Variants in NKAIN2 observed in about 807,000 individuals in gnomAD.
NKAIN2 encodes sodium/potassium transporting ATPase interacting 2, also known as sodium/potassium-transporting ATPase subunit beta-1-interacting protein 2.
A neutral mutation model predicts 32.6 loss-of-function variants in NKAIN2; 14 were observed. That is an observed-to-expected ratio of 0.43 (90% CI 0.28 to 0.67). The LOEUF is 0.67. Among genes scored for constraint, NKAIN2 ranks in the 30% least tolerant of loss-of-function variants. The pLI is 0.17. For synonymous variants in NKAIN2, 80 were observed against 87.2 expected, an observed-to-expected ratio of 0.92 and a Z score of 0.46; for missense variants, 198 against 258.3, an observed-to-expected ratio of 0.77 and a Z score of 1.60.
At chr6:124,249,435 A>C (rs1367439860) in intron 1 of NKAIN2, among the ~76,000 whole-genome samples, 1 of 152,128 alleles carries the variant, frequency 6.6e-6, no homozygotes, top group Non-Finnish European at 1.5e-5. Flanking sequence ...ATTGAATTAA[A>C]TCATTAAGGC....
chr6:124,438,720 G>C (rs1314611920), intron 3 of NKAIN2, among the ~76,000 whole-genome samples: 1 of 152,010 alleles, frequency 6.6e-6, no homozygotes, highest in African/African-American at 2.4e-5. Flanking sequence ...TGGCCTCCCT[G>C]TCACTAACTA....
At chr6:124,820,654 C>T (rs1262875866) in intron 6 of NKAIN2, among the ~76,000 whole-genome samples, 1 of 152,108 alleles carries the variant, frequency 6.6e-6, no homozygotes, top group Non-Finnish European at 1.5e-5. Context: ...ATAGTCCTGG[C>T]CCATGGTCTG....
At chr6:124,192,659 T>G (rs1488115192) in intron 1 of NKAIN2, among the ~76,000 whole-genome samples, 5 of 151,910 alleles carry the variant, frequency 3.3e-5, no homozygotes, top group African/African-American at 4.8e-5. Context: ...TTTTTTTTGT[T>G]GGTTACATGT....
intron 1 of NKAIN2, among the ~76,000 whole-genome samples, chr6:123,989,733 A>C (rs1779333651): frequency 6.6e-6 from 1 of 152,280 alleles, no homozygotes; most frequent in Non-Finnish European, 1.5e-5. Flanking sequence ...TTTTTTTAAA[A>C]CCATCTTTAG....
intron 4 of NKAIN2, among the ~76,000 whole-genome samples, chr6:124,660,989 C>G (rs1234845298): frequency 6.6e-6 from 1 of 152,116 alleles, no homozygotes; most frequent in Non-Finnish European, 1.5e-5. Context: ...TTTGTGTTAC[C>G]CAGATCATCT....
At chr6:124,436,180 T>C (rs1224301138) in intron 3 of NKAIN2, among the ~76,000 whole-genome samples, 3 of 152,160 alleles carry the variant, frequency 2.0e-5, no homozygotes, top group Non-Finnish European at 4.4e-5. Flanking sequence ...CTGAGTATTG[T>C]ATGCATTTGT....
chr6:123,938,062 C>T (rs545412209), intron 1 of NKAIN2, among the ~76,000 whole-genome samples: 214 of 142,868 alleles, frequency 1.5e-3, no homozygotes, highest in African/African-American at 5.4e-3. Flanking sequence ...ATAGCAGCCA[C>T]CTACCTCCAT....
chr6:124,410,776 T>C (rs1467899320), intron 3 of NKAIN2, among the ~76,000 whole-genome samples: 1 of 152,180 alleles, frequency 6.6e-6, no homozygotes, highest in Non-Finnish European at 1.5e-5. Flanking sequence ...TCGATCTGTC[T>C]AATGTTGACA....
At chr6:124,659,049 A>G (rs1192751471) in intron 4 of NKAIN2, 1 of 152,160 alleles carries the variant, frequency 6.6e-6, no homozygotes. Context: ...TATAAAATAC[A>G]TGATTTAACA....
chr6:124,579,503 GAAAT>G (rs1191890336), intron 3 of NKAIN2, among the ~76,000 whole-genome samples: 1 of 152,134 alleles, frequency 6.6e-6, no homozygotes. Context: ...TCAAGCACAA[GAAAT>G]AAATAGTGAA....
intron 3 of NKAIN2, among the ~76,000 whole-genome samples, chr6:124,410,215 T>C (rs1331039071): frequency 5.3e-5 from 8 of 152,154 alleles, no homozygotes; most frequent in Non-Finnish European, 8.8e-5. Flanking sequence ...CTGATCTTAG[T>C]TATTTCTTGC....
At chr6:123,972,784 T>G (rs192404830) in intron 1 of NKAIN2, among the ~76,000 whole-genome samples, 1 of 152,094 alleles carries the variant, frequency 6.6e-6, no homozygotes, top group East Asian at 1.9e-4. Context: ...CTTCCAGGAA[T>G]AGATTCCCTT....
chr6:124,746,392 C>A (rs1360193158), intron 4 of NKAIN2, among the ~76,000 whole-genome samples: 2 of 151,702 alleles, frequency 1.3e-5, no homozygotes, highest in Non-Finnish European at 2.9e-5. Flanking sequence ...AAAAGAAGTA[C>A]AAAGAACTAA....
chr6:124,424,592 G>A lies in NKAIN2; in HGVS notation c.273+69245G>A, dbSNP rs188741529. Among the ~76,000 whole-genome samples the A allele has an allele frequency of 2.4e-4, 36 of 152,132 alleles. No individual in the cohort carries two copies. The East Asian group carries it at 6.8e-3, about 29-fold the overall frequency. ...CCCCTGAACCATGACTGGACCCCTA[G>A]TAACCATCATTCTACTCTCTGCTTC... On this transcript the variant is annotated intron_variant, in intron 3 of 6. Coordinates refer to ENST00000368417, the MANE Select transcript of NKAIN2 (RefSeq NM_001040214.3).
intron 3 of NKAIN2, among the ~76,000 whole-genome samples, chr6:124,569,525 A>G (rs1048085279): frequency 1.3e-5 from 2 of 152,134 alleles, no homozygotes; most frequent in Admixed American, 6.5e-5. Context: ...AGGTAATTGA[A>G]TCATGGGGAC....
chr6:124,530,901 C>G (rs552705246), intron 3 of NKAIN2, among the ~76,000 whole-genome samples: 2 of 152,292 alleles, frequency 1.3e-5, no homozygotes, highest in Admixed American at 1.3e-4. Flanking sequence ...AGCCCTTCTT[C>G]CATCTTTTTG....
At chr6:124,627,734 A>G (rs1172621801) in intron 3 of NKAIN2, among the ~76,000 whole-genome samples, 1 of 152,014 alleles carries the variant, frequency 6.6e-6, no homozygotes, top group Admixed American at 6.6e-5. Flanking sequence ...GTCCTAAGGT[A>G]CTCAGTCGTC....
At chr6:124,748,637 A>G (rs566453535) in intron 4 of NKAIN2, among the ~76,000 whole-genome samples, 5 of 152,064 alleles carry the variant, frequency 3.3e-5, no homozygotes, top group African/African-American at 1.2e-4. Flanking sequence ...AACACGGAGG[A>G]AGTTATAAAA....
rs894518158 is a variant in NKAIN2 at position 123,859,387 on chromosome 6, T to G, written c.54+55133T>G. On this transcript the variant is annotated intron_variant, in intron 1 of 6. Coordinates refer to ENST00000368417, the MANE Select transcript of NKAIN2 (RefSeq NM_001040214.3). ...GGCAGTGATAACAGTCATATTGCAA[T>G]GAGACCATTGGAGTATTTCTGTTCC... 3.3e-5 allele frequency among the ~76,000 whole-genome samples: 5 copies of G among 152,152 alleles called. No individual in the cohort carries two copies. The East Asian group carries it at 5.8e-4, about 18-fold the overall frequency.
Sources: allele counts gnomAD v4.1 joint callset (sites outside exome capture counted in the v4.1 genomes callset), GRCh38; gene constraint gnomAD v4.1.1; transcripts MANE v1.5; gene names NCBI Gene and HGNC (gene_info 2026-07-23, HGNC 2026-07-21).